Variants in TFCP2L1 observed in about 807,000 individuals in gnomAD.
TFCP2L1 encodes the protein transcription factor CP2-like protein 1.
In TFCP2L1, 12 loss-of-function variants were observed where a neutral mutation model predicts 72.2. That is an observed-to-expected ratio of 0.17 (90% CI 0.11 to 0.27). The LOEUF (loss-of-function observed/expected upper bound fraction) is 0.27. Among genes scored for constraint, TFCP2L1 ranks in the 10% least tolerant of loss-of-function variants. The probability of loss-of-function intolerance (pLI) is 1.00; values close to 1 mark genes in which losing one functional copy is unlikely to be tolerated. For synonymous variants in TFCP2L1, 260 were observed against 251.0 expected (o/e 1.04, Z -0.34); for missense variants, 488 against 624.6 (o/e 0.78, Z 2.33).
chr2:121,266,616 T>C (rs909442600), intron 2 of TFCP2L1, among the ~76,000 whole-genome samples: 2 of 152,194 alleles, frequency 1.3e-5, no homozygotes, highest in African/African-American at 2.4e-5. Context: ...ACTGTGTGTC[T>C]GTTTTTCCAG....
intron 6 of TFCP2L1, among the ~76,000 whole-genome samples, chr2:121,245,312 G>A (rs1374085849): frequency 6.6e-6 from 1 of 152,172 alleles, no homozygotes; most frequent in Non-Finnish European, 1.5e-5. Context: ...AAGGAACACA[G>A]GCCCGCTGAC....
intron 2 of TFCP2L1, among the ~76,000 whole-genome samples, chr2:121,271,321 T>C (rs778030473): frequency 5.3e-5 from 8 of 152,204 alleles, no homozygotes; most frequent in Non-Finnish European, 1.0e-4. Flanking sequence ...TGTTTGTCTA[T>C]GGAAGCAGAT....
At chr2:121,252,834 A>G (rs1278175576) in intron 2 of TFCP2L1, among the ~76,000 whole-genome samples, 1 of 152,232 alleles carries the variant, frequency 6.6e-6, no homozygotes, top group Non-Finnish European at 1.5e-5. Context: ...GAAAACAAAT[A>G]CACTCCCACC....
chr2:121,224,516 G>T, intron 14 of TFCP2L1, 129 bp from the exon 15 acceptor site: 1 of 847,040 alleles, frequency 1.2e-6, no homozygotes, highest in Non-Finnish European at 1.9e-6. Context: ...ATACAGCAAA[G>T]CGTGCTGGCA....
rs1408898005 is a variant in TFCP2L1 at position 121,236,835 on chromosome 2, C to T, written c.1003+788G>A. On this transcript the variant is annotated intron_variant, in intron 10 of 14. Transcript: ENST00000263707. ...ACTCCTCCCCCACCTCCACCCAGTC[C>T]AGTGCAGGGTCCTCTCTGAACCCCC... Among the ~76,000 whole-genome samples the T allele has an allele frequency of 2.6e-5, 4 of 152,166 alleles. No homozygotes were observed. The East Asian group carries it at 5.8e-4, about 22-fold the overall frequency.
At position 121,237,943 on chromosome 2, in the gene TFCP2L1, T is replaced by C. The variant is rs376569380; in HGVS notation, c.861-93A>G. On this transcript the variant is annotated intron_variant, in intron 8 of 14. Transcript: ENST00000263707. ...CCCAGCCTGGCACTTTTACTTCCTATCAGATGCAGGATTTGTTCTAAGTGA... is the reference window on the plus strand; with the variant it reads ...CCCAGCCTGGCACTTTTACTTCCTACCAGATGCAGGATTTGTTCTAAGTGA... The C allele has an allele frequency of 3.8e-4, 512 of 1,334,706 alleles. 3 individuals carry two copies. In the African/African-American group the frequency reaches 6.2e-3, roughly 16 times the overall value. The allele number at this position is 1,334,706 out of a possible 1,614,324, so 82.7% of individuals were successfully genotyped here.
rs569324512 is a variant in TFCP2L1, at chr2:121,255,512, G to A, written c.215-5865C>T. 2.6e-5 allele frequency among the ~76,000 whole-genome samples: 4 copies of A among 152,312 alleles called. 1 individual carries two copies. In the South Asian group the frequency reaches 8.3e-4, roughly 32 times the overall value. On this transcript the variant is annotated intron_variant, in intron 2 of 14. Transcript: ENST00000263707. Reference sequence around the variant, plus strand: ...TTCACTTAGTCCACTCGATAATCCTGTAAGAAAAGTCTATTGTTTCCCTAT... The same window carrying A: ...TTCACTTAGTCCACTCGATAATCCTATAAGAAAAGTCTATTGTTTCCCTAT...
In TFCP2L1 at chr2:121,242,348, A is replaced by C; in HGVS notation, c.768+11T>G. The C allele has an allele frequency of 3.8e-6, 6 of 1,599,052 alleles. No homozygotes were observed. The highest frequency in any genetic ancestry group is 5.1e-6 in the Non-Finnish European group (6 of 1,166,446). On this transcript the variant is annotated intron_variant, in intron 7 of 14. Coordinates refer to ENST00000263707, the MANE Select transcript of TFCP2L1 (RefSeq NM_014553.3). ...CCTTGGAGGCTCTGTCCCCGCACCCAGCCGGCTCACCTCTGTGAGGATGGT... is the reference window on the plus strand; with the variant it reads ...CCTTGGAGGCTCTGTCCCCGCACCCCGCCGGCTCACCTCTGTGAGGATGGT...
intron 14 of TFCP2L1, among the ~76,000 whole-genome samples, chr2:121,225,249 A>G (rs3795852): frequency 0.34 from 51,059 of 151,944 alleles, 9,012 homozygotes; most frequent in South Asian, 0.48. Flanking sequence ...GACCCACGCT[A>G]CCTGCAGACT....
At chr2:121,280,896 C>A (rs181152438) in intron 2 of TFCP2L1, among the ~76,000 whole-genome samples, 1 of 152,072 alleles carries the variant, frequency 6.6e-6, no homozygotes, top group Non-Finnish European at 1.5e-5. Flanking sequence ...CCCTGTTACC[C>A]GCGTGAGGTA....
chr2:121,240,393 G>A (rs1473194157), intron 7 of TFCP2L1: 3 of 985,280 alleles, frequency 3.0e-6, no homozygotes, highest in Non-Finnish European at 2.4e-6. Context: ...CCTTCCCTGC[G>A]ATGATGCCTC....
chr2:121,230,638 T>G (rs1315512460), intron 13 of TFCP2L1, among the ~76,000 whole-genome samples: 1 of 151,518 alleles, frequency 6.6e-6, no homozygotes, highest in Non-Finnish European at 1.5e-5. Flanking sequence ...GCAGGCGTGG[T>G]GGTGAGTGCC....
chr2:121,284,940 G>A (rs1687337033), intron 1 of TFCP2L1, 108 bp downstream of exon 1: 2 of 985,192 alleles, frequency 2.0e-6, no homozygotes, highest in African/African-American at 1.7e-5. Flanking sequence ...GCGGACAGCG[G>A]GGAGGCCAGG....
At chr2:121,227,720 TACACACACACACAC>T (rs144192362) in intron 13 of TFCP2L1, among the ~76,000 whole-genome samples, 2 of 147,312 alleles carry the variant, frequency 1.4e-5, no homozygotes, top group African/African-American at 5.0e-5. Flanking sequence ...AAACATACAA[TACACACACACACAC>T]ACACACACAC....
At chr2:121,256,057 T>C (rs1282009274) in intron 2 of TFCP2L1, among the ~76,000 whole-genome samples, 1 of 152,116 alleles carries the variant, frequency 6.6e-6, no homozygotes, top group Non-Finnish European at 1.5e-5. Flanking sequence ...AACTTCTTGA[T>C]ACTCATTTTA....
At position 121,243,455 on chromosome 2, in the gene TFCP2L1, CCT is replaced by C. The variant is rs552015538; in HGVS notation, c.658-988_658-987del. On this transcript the variant is annotated intron_variant, in intron 6 of 14. Coordinates refer to ENST00000263707, the MANE Select transcript of TFCP2L1 (RefSeq NM_014553.3). The stretch of plus-strand genomic sequence containing the variant: ...CCACAGACCGGTACCGGTCCCATGC[CCT>C]GTTAGGAACTGGGCCCCACAACAGA... Among the ~76,000 whole-genome samples the C allele has an allele frequency of 5.8e-3, 883 of 152,320 alleles. 10 individuals carry two copies. The highest frequency in any genetic ancestry group is 0.02 in the African/African-American group (841 of 41,570).
intron 10 of TFCP2L1, 48 bp downstream of exon 10, chr2:121,237,575 T>A (rs2260394): frequency 1.9e-6 from 3 of 1,597,634 alleles, no homozygotes; most frequent in Admixed American, 3.3e-5. Flanking sequence ...AGCCTTGAAG[T>A]GTCTCCAAGA....
At chr2:121,225,434 G>C (rs1573353243) in intron 14 of TFCP2L1, 128 bp downstream of exon 14, 1 of 885,398 alleles carries the variant, frequency 1.1e-6, no homozygotes, top group Non-Finnish European at 1.8e-6. Flanking sequence ...CTTTCACGGA[G>C]AGTTTGTGCT....
chr2:121,250,311 GAATA>G (rs1240564589), intron 2 of TFCP2L1, among the ~76,000 whole-genome samples: 2 of 150,520 alleles, frequency 1.3e-5, no homozygotes, highest in African/African-American at 4.9e-5. Flanking sequence ...AATATACCAT[GAATA>G]AATAGGATAC....
Sources: gnomAD v4.1 joint callset for allele counts (sites outside exome capture counted in the v4.1 genomes callset) on GRCh38, gnomAD v4.1.1 for gene constraint, MANE v1.5 for transcripts, NCBI Gene and HGNC (gene_info 2026-07-23, HGNC 2026-07-21) for gene names.